UNC5B: variants seen among roughly 807,000 people sequenced by gnomAD.
UNC5B encodes the protein unc-5 netrin receptor B.
UNC5B carries 56 observed loss-of-function variants against 103.7 expected under a neutral mutation model. The observed-to-expected ratio is 0.54, with a 90% CI of 0.44 to 0.67. UNC5B has a LOEUF of 0.67. Among genes scored for constraint, UNC5B ranks in the 30% least tolerant of loss-of-function variants. UNC5B has a pLI of 0.00. For synonymous variants in UNC5B, 577 were observed against 542.0 expected (o/e 1.06, Z -0.90); for missense variants, 1,194 against 1,284.5 (o/e 0.93, Z 1.08).
chr10:71,294,739 C>A (rs1845362898), intron 13 of UNC5B, among the ~76,000 whole-genome samples: 1 of 151,796 alleles, frequency 6.6e-6, no homozygotes, highest in Admixed American at 6.6e-5. Context: ...AAGGGTCATG[C>A]AGATGAGGGG....
intron 1 of UNC5B, among the ~76,000 whole-genome samples, chr10:71,229,249 G>A (rs1232614937): frequency 6.6e-6 from 1 of 152,186 alleles, no homozygotes; most frequent in Non-Finnish European, 1.5e-5. Flanking sequence ...GGGTGTTTGT[G>A]GGTGCATGGG....
intron 1 of UNC5B, among the ~76,000 whole-genome samples, chr10:71,231,366 G>T (rs1210410838): frequency 6.6e-6 from 1 of 152,200 alleles, no homozygotes; most frequent in Non-Finnish European, 1.5e-5. Flanking sequence ...TGAGCTTGGC[G>T]TGGCTGGCTC....
rs149211819 is a variant in UNC5B, at chr10:71,287,675, C to T, written c.811C>T (p.Arg271Trp). The T allele has an allele frequency of 8.1e-6, 13 of 1,613,106 alleles. No homozygotes were observed. Among genetic ancestry groups the T allele is most frequent in the South Asian group, 1.1e-5 (1 of 90,956 alleles). The change falls in exon 6 of 17, where the codon CGG (arginine) becomes TGG (tryptophan). Residue 271 changes from arginine (R) to tryptophan (W), a missense_variant. Coordinates refer to ENST00000335350, the MANE Select transcript of UNC5B (RefSeq NM_170744.5). ...TGGCCGAGGCTGGCAGAAGCGCACCCGGACCTGCACCAACCCCGCTCCACT... is the reference window on the plus strand; with the variant it reads ...TGGCCGAGGCTGGCAGAAGCGCACCTGGACCTGCACCAACCCCGCTCCACT... The part of the protein sequence containing the change: ...RCGRGWQKRT[R>W]TCTNPAPLNG...
chr10:71,247,374 A>G (rs1334524273), intron 1 of UNC5B, among the ~76,000 whole-genome samples: 13 of 152,138 alleles, frequency 8.5e-5, no homozygotes, highest in Non-Finnish European at 2.9e-5. Context: ...GGCTGTAGGG[A>G]AGGCACTGTT....
chr10:71,262,610 G>C (rs1844438983), intron 1 of UNC5B, among the ~76,000 whole-genome samples: 2 of 152,196 alleles, frequency 1.3e-5, no homozygotes, highest in South Asian at 4.1e-4. Context: ...TGGGTAAACA[G>C]GTGCCATCCA....
chr10:71,277,455 G>A (rs1844799071), intron 1 of UNC5B, among the ~76,000 whole-genome samples: 2 of 152,244 alleles, frequency 1.3e-5, no homozygotes, highest in Admixed American at 1.3e-4. Context: ...TGGTGGGCAT[G>A]GAGCCTGGCA....
Position 71,280,063 on chromosome 10 carries a change from G to C in UNC5B, c.304+18G>C, listed in dbSNP as rs536114612. On this transcript the variant is annotated intron_variant, in intron 2 of 16. Transcript: ENST00000335350. Reference sequence around the variant, plus strand: ...GGCCACCGGTGAGCCCGCCCCACTTGCCTGGGCACCCCAGGACACCCCAGG... The same window carrying C: ...GGCCACCGGTGAGCCCGCCCCACTTCCCTGGGCACCCCAGGACACCCCAGG... 6.2e-7 allele frequency: 1 copy of C among 1,612,266 alleles called. No homozygotes were observed. Among genetic ancestry groups the C allele is most frequent in the African/African-American group, 1.3e-5 (1 of 75,066 alleles).
chr10:71,241,836 C>T (rs1211564154), intron 1 of UNC5B, among the ~76,000 whole-genome samples: 1 of 152,090 alleles, frequency 6.6e-6, no homozygotes, highest in Non-Finnish European at 1.5e-5. Context: ...GAAGGCCAGG[C>T]TAACAGTAAT....
chr10:71,225,462 G>A (rs1194260393), intron 1 of UNC5B, among the ~76,000 whole-genome samples: 1 of 152,126 alleles, frequency 6.6e-6, no homozygotes, highest in African/African-American at 2.4e-5. Context: ...ATCCATCTTT[G>A]TGCCCCCATA....
At chr10:71,284,617 G>A (rs1009579336) in intron 2 of UNC5B, 103 bp from the exon 3 acceptor site, 9 of 1,532,728 alleles carry the variant, frequency 5.9e-6, no homozygotes, top group African/African-American at 1.4e-5. Flanking sequence ...AAGGCACTTG[G>A]GCAAGAGTGC....
At chr10:71,287,953 C>T (rs1247780515) in intron 6 of UNC5B, among the ~76,000 whole-genome samples, 188 bp downstream of exon 6, 1 of 152,208 alleles carries the variant, frequency 6.6e-6, no homozygotes, top group Non-Finnish European at 1.5e-5. Flanking sequence ...CCCTGGGCTG[C>T]TGGTGAGATG....
chr10:71,294,469 C>T lies in UNC5B; in HGVS notation c.2175+536C>T, dbSNP rs535972222. On this transcript the variant is annotated intron_variant, in intron 13 of 16. Coordinates refer to ENST00000335350, the MANE Select transcript of UNC5B (RefSeq NM_170744.5). ...AATGGACCTGGTAGACACCTGTTCACAGGTGCTCTTTAGAAAGCCCCTGTG... is the reference window on the plus strand; with the variant it reads ...AATGGACCTGGTAGACACCTGTTCATAGGTGCTCTTTAGAAAGCCCCTGTG... Among the ~76,000 whole-genome samples the T allele has an allele frequency of 1.3e-4, 20 of 152,210 alleles. No homozygotes were observed. The East Asian group carries it at 3.5e-3, about 27-fold the overall frequency.
chr10:71,234,525 C>T (rs1284629032), intron 1 of UNC5B, among the ~76,000 whole-genome samples: 1 of 152,224 alleles, frequency 6.6e-6, no homozygotes, highest in Non-Finnish European at 1.5e-5. Context: ...TATGACCTTC[C>T]TTTGGTCTGT....
chr10:71,268,817 A>T (rs1175297677), intron 1 of UNC5B, among the ~76,000 whole-genome samples: 1 of 152,188 alleles, frequency 6.6e-6, no homozygotes, highest in African/African-American at 2.4e-5. Context: ...GACTGTACCA[A>T]GGCATTTTGG....
At position 71,296,667 on chromosome 10, in the gene UNC5B, G is replaced by A; in HGVS notation, c.2415G>A (p.Glu805=). 1 of 1,614,024 alleles carries A rather than the reference G, an allele frequency of 6.2e-7. No individual in the cohort carries two copies. The highest frequency in any genetic ancestry group is 2.2e-5 in the East Asian group (1 of 44,878). ...TLERHSLAST[E]LTCKICVRQV... ...AGAGGCACAGCTTGGCCTCCACAGA[G>A]CTCACCTGCAAGATCTGCGTGCGGC... The change falls in exon 15 of 17, where the codon GAG becomes GAA. Residue 805 remains glutamate, a synonymous_variant. Transcript: ENST00000335350.
intron 1 of UNC5B, among the ~76,000 whole-genome samples, chr10:71,260,069 G>T (rs546544781): frequency 2.0e-5 from 3 of 152,200 alleles, no homozygotes; most frequent in Non-Finnish European, 4.4e-5. Context: ...GGTAGGGGGG[G>T]CATGAAGCAT....
In UNC5B at chr10:71,213,640, T is replaced by C. The variant is rs1476790411; in HGVS notation, c.79+576T>C. On this transcript the variant is annotated intron_variant, in intron 1 of 16. Transcript: ENST00000335350. This position sits in a 1 kb window ranked among gnomAD's most constrained non-coding sequence, Gnocchi z 4.1. ...GAGGGCTAAGTCTTGCACACATAGC[T>C]TTCCCCGAGATCGCTGGGCCCGCAG... Among the ~76,000 whole-genome samples the C allele has an allele frequency of 6.6e-6, 1 of 151,578 alleles. No individual in the cohort carries two copies. Among genetic ancestry groups the C allele is most frequent in the Non-Finnish European group, 1.5e-5 (1 of 67,972 alleles).
chr10:71,221,642 A>G (rs972123512), intron 1 of UNC5B, among the ~76,000 whole-genome samples: 1 of 152,246 alleles, frequency 6.6e-6, no homozygotes, highest in Non-Finnish European at 1.5e-5. Flanking sequence ...GCATGGGCCA[A>G]GTGCCTGGCC....
chr10:71,262,273 A>T (rs968556744), intron 1 of UNC5B, among the ~76,000 whole-genome samples: 2 of 151,916 alleles, frequency 1.3e-5, no homozygotes, highest in African/African-American at 4.8e-5. Context: ...CGGAGCCTGG[A>T]AGGAGGACTC....
Sources: allele counts gnomAD v4.1 joint callset (sites outside exome capture counted in the v4.1 genomes callset), GRCh38; gene constraint gnomAD v4.1.1; non-coding constraint Gnocchi (gnomAD v3.1); transcripts MANE v1.5; gene names NCBI Gene and HGNC (gene_info 2026-07-23, HGNC 2026-07-21).